Variants in OPCML observed in about 807,000 individuals in gnomAD.
The protein encoded by OPCML is opioid binding protein/cell adhesion molecule like.
A neutral mutation model predicts 37.8 loss-of-function variants in OPCML; 13 were observed. The observed-to-expected ratio is 0.34, with a 90% CI of 0.22 to 0.55. The LOEUF is 0.55. Ranked by LOEUF, OPCML falls within the 20% of genes least tolerant of loss-of-function variation. The probability of loss-of-function intolerance (pLI) is 0.91; values close to 1 mark genes in which losing one functional copy is unlikely to be tolerated. For missense variants in OPCML, 341 were observed against 435.6 expected, an observed-to-expected ratio of 0.78 and a Z score of 1.93; for synonymous variants, 176 against 168.8, an observed-to-expected ratio of 1.04 and a Z score of -0.33.
chr11:132,529,656 G>C (rs971419966), intron 3 of OPCML, among the ~76,000 whole-genome samples: 6 of 152,110 alleles, frequency 3.9e-5, no homozygotes, highest in African/African-American at 1.4e-4. Context: ...GAGTATCCCA[G>C]ACCCTTTTAA....
chr11:132,530,134 G>A (rs80355459), intron 3 of OPCML, among the ~76,000 whole-genome samples: 4,278 of 152,158 alleles, frequency 0.028, 125 homozygotes, highest in South Asian at 0.044. Context: ...CTCAATAAAT[G>A]TTAGCTCCTA....
chr11:133,361,615 G>T (rs958510738), intron 1 of OPCML: 1 of 163,910 alleles, frequency 6.1e-6, no homozygotes, highest in South Asian at 1.3e-4. Context: ...CTACTCCGGG[G>T]CACCTGCAGC....
intron 1 of OPCML, among the ~76,000 whole-genome samples, chr11:133,330,346 A>G (rs1338752293): frequency 1.3e-5 from 2 of 152,234 alleles, no homozygotes; most frequent in Non-Finnish European, 2.9e-5. Context: ...GTGTATACCC[A>G]AAGGATTATA....
intron 1 of OPCML, among the ~76,000 whole-genome samples, chr11:133,527,040 T>C (rs1474105865): frequency 6.6e-6 from 1 of 152,214 alleles, no homozygotes; most frequent in Non-Finnish European, 1.5e-5. Context: ...CATATCTCTC[T>C]GTCTCCAGCC....
At chr11:132,977,523 C>T (rs1019535379) in intron 1 of OPCML, among the ~76,000 whole-genome samples, 8 of 152,218 alleles carry the variant, frequency 5.3e-5, no homozygotes, top group African/African-American at 7.2e-5. Context: ...AATGCAGCCA[C>T]GCATTCACTC....
chr11:133,143,964 C>T (rs1039757439), intron 1 of OPCML, among the ~76,000 whole-genome samples: 1 of 152,130 alleles, frequency 6.6e-6, no homozygotes, highest in African/African-American at 2.4e-5. Flanking sequence ...TGGAGGAGGG[C>T]TCATATGGCC....
At chr11:132,490,877 C>T (rs1458431749) in intron 4 of OPCML, among the ~76,000 whole-genome samples, 1 of 151,736 alleles carries the variant, frequency 6.6e-6, no homozygotes, top group Non-Finnish European at 1.5e-5. Flanking sequence ...AAAGATGTTT[C>T]ACGTTTGTCC....
At chr11:132,772,242 G>T (rs1422604423) in intron 2 of OPCML, 2 of 152,148 alleles carry the variant, frequency 1.3e-5, no homozygotes, top group African/African-American at 4.8e-5. Context: ...TCTCTGGGAT[G>T]GTCAGGACCT....
chr11:132,683,270 C>T (rs1943030290), intron 2 of OPCML, among the ~76,000 whole-genome samples: 1 of 152,130 alleles, frequency 6.6e-6, no homozygotes, highest in Non-Finnish European at 1.5e-5. Context: ...CATAGTGGCG[C>T]ATGCCTGTAG....
chr11:132,844,487 G>C (rs1056650502), intron 2 of OPCML, among the ~76,000 whole-genome samples: 3 of 152,088 alleles, frequency 2.0e-5, no homozygotes, highest in African/African-American at 7.2e-5. Flanking sequence ...AGAATGACAT[G>C]ATCATAATTA....
At chr11:132,888,597 T>C (rs1217819584) in intron 2 of OPCML, among the ~76,000 whole-genome samples, 2 of 152,218 alleles carry the variant, frequency 1.3e-5, no homozygotes. Context: ...GAAAAAGCTC[T>C]GTCTTAAATA....
At chr11:133,108,781 G>A (rs377146924) in intron 1 of OPCML, among the ~76,000 whole-genome samples, 1 of 148,494 alleles carries the variant, frequency 6.7e-6, no homozygotes, top group East Asian at 2.0e-4. Flanking sequence ...TGTTACCAAA[G>A]ACAGCGCTTT....
At chr11:133,262,510 T>C (rs1941525031) in intron 1 of OPCML, among the ~76,000 whole-genome samples, 1 of 152,198 alleles carries the variant, frequency 6.6e-6, no homozygotes, top group South Asian at 2.1e-4. Context: ...AGATCCATTC[T>C]GCAGAGGAAA....
At position 133,243,967 on chromosome 11, in the gene OPCML, C is replaced by T. The variant is rs893088759; in HGVS notation, c.61+288297G>A. On this transcript the variant is annotated intron_variant, in intron 1 of 7. Transcript: ENST00000524381. ...AGTCCTAAAGGCATCGAGGGAGCTGCTTTGGGAGAGGGGTGGACATGCATC... is the reference window on the plus strand; with the variant it reads ...AGTCCTAAAGGCATCGAGGGAGCTGTTTTGGGAGAGGGGTGGACATGCATC... Among the ~76,000 whole-genome samples, 9 of 152,174 alleles carry T rather than the reference C, an allele frequency of 5.9e-5. 1 individual carries two copies. Among genetic ancestry groups the T allele is most frequent in the Admixed American group, 5.9e-4 (9 of 15,278 alleles).
intron 1 of OPCML, among the ~76,000 whole-genome samples, chr11:133,118,685 G>C (rs886629294): frequency 1.3e-5 from 2 of 151,460 alleles, no homozygotes; most frequent in Non-Finnish European, 2.9e-5. Context: ...GTTCACTCCC[G>C]CTCAGTAGCA....
chr11:133,340,454 T>A (rs903980376), intron 1 of OPCML, among the ~76,000 whole-genome samples: 23 of 152,188 alleles, frequency 1.5e-4, no homozygotes, highest in Admixed American at 1.4e-3. Context: ...CCCCACCTCC[T>A]CTTTTTATTA....
intron 1 of OPCML, among the ~76,000 whole-genome samples, chr11:133,165,243 C>T (rs574685271): frequency 1.3e-4 from 20 of 152,238 alleles, no homozygotes; most frequent in African/African-American, 4.6e-4. Context: ...CGCACTGGGA[C>T]GAGGGTTTTC....
chr11:132,476,253 T>C (rs1164846265), intron 4 of OPCML, among the ~76,000 whole-genome samples: 1 of 152,184 alleles, frequency 6.6e-6, no homozygotes, highest in Non-Finnish European at 1.5e-5. Flanking sequence ...GACTGTAAAC[T>C]AGTTCAACCA....
intron 2 of OPCML, among the ~76,000 whole-genome samples, chr11:132,749,858 G>GTTTA (rs895861184): frequency 2.6e-4 from 39 of 152,100 alleles, no homozygotes; most frequent in African/African-American, 7.5e-4. Flanking sequence ...CATTGAATTT[G>GTTTA]TTTATTTATT....
Sources: gnomAD v4.1 joint callset for allele counts (sites outside exome capture counted in the v4.1 genomes callset) on GRCh38, gnomAD v4.1.1 for gene constraint, MANE v1.5 for transcripts, NCBI Gene and HGNC (gene_info 2026-07-23, HGNC 2026-07-21) for gene names.